The following GMDS variants were observed in gnomAD, a reference collection of about 807,000 sequenced individuals.
GMDS encodes GDP-mannose 4,6-dehydratase.
A neutral mutation model predicts 49.9 loss-of-function variants in GMDS; 20 were observed. The ratio of observed to expected loss-of-function variants is 0.40; its 90% CI spans 0.28 to 0.58. The LOEUF (loss-of-function observed/expected upper bound fraction) is 0.58, where lower values mean the gene tolerates loss of function less well. Among genes scored for constraint, GMDS ranks in the 20% least tolerant of loss-of-function variants. GMDS has a pLI of 0.42. For synonymous variants in GMDS, 177 were observed against 178.6 expected, an observed-to-expected ratio of 0.99 and a Z score of 0.07; for missense variants, 362 against 481.4, an observed-to-expected ratio of 0.75 and a Z score of 2.32.
intron 7 of GMDS, among the ~76,000 whole-genome samples, chr6:1,762,610 T>C (rs978691304): frequency 3.3e-5 from 5 of 152,238 alleles, no homozygotes; most frequent in Non-Finnish European, 7.3e-5. Context: ...TCTTTCAGCC[T>C]CCAACCTAAG....
chr6:1,774,642 G>C (rs983572402), intron 7 of GMDS, among the ~76,000 whole-genome samples: 2 of 152,208 alleles, frequency 1.3e-5, no homozygotes, highest in Non-Finnish European at 2.9e-5. Context: ...ATCCAGGAAA[G>C]ATGTTTCAGG....
chr6:1,743,772 TA>T (rs11361365), intron 7 of GMDS, among the ~76,000 whole-genome samples: 63,134 of 144,780 alleles, frequency 0.44, 14,075 homozygotes, highest in East Asian at 0.65. Flanking sequence ...GATGAAGATT[TA>T]AAAAAAAAAA....
At chr6:2,030,130 G>A (rs9503073) in intron 4 of GMDS, among the ~76,000 whole-genome samples, 43 of 152,326 alleles carry the variant, frequency 2.8e-4, no homozygotes, top group African/African-American at 1.0e-3. Context: ...AGCATGCTCT[G>A]CACAACCAGA....
At chr6:1,645,017 C>A (rs1267623967) in intron 9 of GMDS, among the ~76,000 whole-genome samples, 1 of 151,290 alleles carries the variant, frequency 6.6e-6, no homozygotes, top group Non-Finnish European at 1.5e-5. Flanking sequence ...CTCACTGCAA[C>A]CTCCACCTCC....
At chr6:1,737,431 T>C (rs1316047926) in intron 8 of GMDS, among the ~76,000 whole-genome samples, 1 of 152,076 alleles carries the variant, frequency 6.6e-6, no homozygotes, top group Non-Finnish European at 1.5e-5. Flanking sequence ...GGTAAGTTGA[T>C]GTGAAAGGAA....
chr6:1,767,533 A>C (rs1269509503), intron 7 of GMDS, among the ~76,000 whole-genome samples: 1 of 152,204 alleles, frequency 6.6e-6, no homozygotes, highest in Non-Finnish European at 1.5e-5. Flanking sequence ...TTCTTCTCTG[A>C]GCTGCCACCA....
intron 4 of GMDS, among the ~76,000 whole-genome samples, chr6:2,068,738 T>C (rs2127456455): frequency 6.6e-6 from 1 of 152,276 alleles, no homozygotes; most frequent in African/African-American, 2.4e-5. Context: ...CAAGGAAAAC[T>C]ACAAGCCACT....
At chr6:1,828,793 T>C (rs191036240) in intron 7 of GMDS, among the ~76,000 whole-genome samples, 1 of 152,322 alleles carries the variant, frequency 6.6e-6, no homozygotes, top group Admixed American at 6.5e-5. Context: ...AAGTGAGTCT[T>C]TCAGCTTGAA....
At chr6:1,719,272 G>A (rs906523958) in intron 9 of GMDS, among the ~76,000 whole-genome samples, 1 of 152,068 alleles carries the variant, frequency 6.6e-6, no homozygotes. Flanking sequence ...ACAGTGGATA[G>A]AGAAGCCGGC....
chr6:1,837,408 T>C (rs1485718410), intron 7 of GMDS, among the ~76,000 whole-genome samples: 2 of 152,170 alleles, frequency 1.3e-5, no homozygotes, highest in African/African-American at 4.8e-5. Flanking sequence ...ACAACTTACA[T>C]TTTACTCAGG....
At chr6:2,049,660 G>A (rs1325581012) in intron 4 of GMDS, among the ~76,000 whole-genome samples, 2 of 152,178 alleles carry the variant, frequency 1.3e-5, no homozygotes, top group African/African-American at 4.8e-5. Flanking sequence ...TTAAGGAAAA[G>A]AGGGAGGTAG....
chr6:1,699,506 C>G (rs1765466419), intron 9 of GMDS, among the ~76,000 whole-genome samples: 1 of 152,132 alleles, frequency 6.6e-6, no homozygotes, highest in South Asian at 2.1e-4. Flanking sequence ...GTGGGCAGGG[C>G]TGGCTGCCTC....
Position 2,047,552 on chromosome 6 carries a change from G to A in GMDS, c.345+68219C>T, listed in dbSNP as rs1321654021. Among the ~76,000 whole-genome samples the A allele has an allele frequency of 2.6e-5, 4 of 151,980 alleles. No individual in the cohort carries two copies. In the East Asian group the frequency reaches 5.8e-4, roughly 22 times the overall value. ...CCCAGGCTGGGCAGTGCAGTGGTGT[G>A]ATCTCAGCTCGCTGCAACCTCCGCC... On this transcript the variant is annotated intron_variant, in intron 4 of 10. Coordinates refer to ENST00000380815, the MANE Select transcript of GMDS (RefSeq NM_001500.4).
chr6:1,905,204 T>C (rs1013912738), intron 7 of GMDS, among the ~76,000 whole-genome samples: 4 of 152,220 alleles, frequency 2.6e-5, no homozygotes, highest in African/African-American at 9.6e-5. Flanking sequence ...CTTGCAAAGC[T>C]CTTCCACACT....
At chr6:2,115,426 T>A (rs1341304322) in intron 4 of GMDS, among the ~76,000 whole-genome samples, 1 of 152,260 alleles carries the variant, frequency 6.6e-6, no homozygotes, top group Non-Finnish European at 1.5e-5. Context: ...TTTACTTAGT[T>A]ACATCTTCCA....
chr6:1,916,283 G>A (rs1761390411), intron 7 of GMDS, among the ~76,000 whole-genome samples: 1 of 152,160 alleles, frequency 6.6e-6, no homozygotes, highest in Non-Finnish European at 1.5e-5. Context: ...GCAGCTGAAG[G>A]AAAATGGGGC....
At position 1,778,508 on chromosome 6, in the gene GMDS, C is replaced by T. The variant is rs1406750062; in HGVS notation, c.772-35922G>A. Among the ~76,000 whole-genome samples the T allele has an allele frequency of 6.6e-6, 1 of 152,178 alleles. No homozygotes were observed. The highest frequency in any genetic ancestry group is 1.5e-5 in the Non-Finnish European group (1 of 68,024). On this transcript the variant is annotated intron_variant, in intron 7 of 10. Transcript: ENST00000380815. The surrounding 1 kb of genome is among the most constrained non-coding windows in gnomAD (Gnocchi z 4.6). ...GGCAGCCTTCCTGACCTGGAACTTA[C>T]TCCAGCCTGGAGTGTTCCAAGATCT...
intron 1 of GMDS, among the ~76,000 whole-genome samples, chr6:2,149,437 A>T (rs1466844153): frequency 1.3e-5 from 2 of 152,202 alleles, no homozygotes; most frequent in Non-Finnish European, 2.9e-5. Flanking sequence ...TCCCATGAAC[A>T]GGCACACACA....
intron 1 of GMDS, among the ~76,000 whole-genome samples, chr6:2,148,026 T>C (rs1430086933): frequency 6.6e-6 from 1 of 151,996 alleles, no homozygotes; most frequent in Non-Finnish European, 1.5e-5. Context: ...TTAGACATTC[T>C]CAAAGTGCGG....
Sources: gnomAD v4.1 joint callset for allele counts (sites outside exome capture counted in the v4.1 genomes callset) on GRCh38, gnomAD v4.1.1 for gene constraint, Gnocchi (gnomAD v3.1) non-coding constraint, MANE v1.5 for transcripts, NCBI Gene and HGNC (gene_info 2026-07-23, HGNC 2026-07-21) for gene names.